Variants in SCLT1 observed in about 807,000 individuals in gnomAD.
The protein encoded by SCLT1 is sodium channel and clathrin linker 1.
SCLT1 carries 78 observed loss-of-function variants against 112.8 expected under a neutral mutation model. That is an observed-to-expected ratio of 0.69 (90% CI 0.58 to 0.83). The LOEUF (loss-of-function observed/expected upper bound fraction) is 0.83. Ranked by LOEUF, SCLT1 falls within the 40% of genes least tolerant of loss-of-function variation. SCLT1 has a pLI of 0.00. For synonymous variants in SCLT1, 257 were observed against 254.7 expected (o/e 1.01, Z -0.09); for missense variants, 747 against 770.4 (o/e 0.97, Z 0.36).
At chr4:129,019,536 G>C (rs1745268271) in intron 5 of SCLT1, among the ~76,000 whole-genome samples, 1 of 151,986 alleles carries the variant, frequency 6.6e-6, no homozygotes, top group Non-Finnish European at 1.5e-5. Flanking sequence ...GACAAATATA[G>C]TGGCATATAT....
chr4:128,885,372 G>A (rs1159240657), intron 20 of SCLT1, among the ~76,000 whole-genome samples: 4 of 152,056 alleles, frequency 2.6e-5, no homozygotes, highest in Non-Finnish European at 4.4e-5. Context: ...GTATGTTTCC[G>A]TAAATATTTT....
intron 18 of SCLT1, among the ~76,000 whole-genome samples, chr4:128,928,391 T>C (rs987381895): frequency 2.0e-5 from 3 of 151,992 alleles, no homozygotes; most frequent in East Asian, 1.9e-4. Context: ...TCCAGAAATA[T>C]ATATAAGGAG....
intron 8 of SCLT1, among the ~76,000 whole-genome samples, chr4:128,994,113 C>T (rs989678315): frequency 9.2e-5 from 14 of 152,002 alleles, no homozygotes; most frequent in Admixed American, 2.6e-4. Flanking sequence ...CAATATTGCA[C>T]AGATCTCTAG....
At chr4:129,083,717 G>A (rs557904024) in intron 1 of SCLT1, among the ~76,000 whole-genome samples, 8 of 152,112 alleles carry the variant, frequency 5.3e-5, no homozygotes, top group African/African-American at 1.7e-4. Flanking sequence ...AAATTTTAAA[G>A]TATTTTGAAG....
In SCLT1 at chr4:129,006,171, A is replaced by C. The variant is rs113231609; in HGVS notation, c.291-2295T>G. On this transcript the variant is annotated intron_variant, in intron 5 of 20. Coordinates refer to ENST00000281142, the MANE Select transcript of SCLT1 (RefSeq NM_144643.4). ...CCCTAAAACTTAAAGTATAATAAAA[A>C]AAATTCATTTAATAAAAAAATGTAG... 3.0e-3 allele frequency among the ~76,000 whole-genome samples: 460 copies of C among 152,266 alleles called. 2 individuals are homozygous for C. The highest frequency in any genetic ancestry group is 0.011 in the African/African-American group (442 of 41,556).
intron 2 of SCLT1, among the ~76,000 whole-genome samples, chr4:129,064,252 A>T (rs1750269019): frequency 6.6e-6 from 1 of 152,080 alleles, no homozygotes; most frequent in African/African-American, 2.4e-5. Flanking sequence ...TGGTTTGCAA[A>T]TTTTTCTGTC....
At chr4:129,027,431 G>A (rs1746217249) in intron 5 of SCLT1, among the ~76,000 whole-genome samples, 1 of 152,028 alleles carries the variant, frequency 6.6e-6, no homozygotes, top group South Asian at 2.1e-4. Context: ...AAAACCACAT[G>A]ATTATGTCAA....
intron 9 of SCLT1, among the ~76,000 whole-genome samples, chr4:128,973,467 A>G: frequency 7.3e-6 from 1 of 137,822 alleles, no homozygotes; most frequent in Admixed American, 7.6e-5. Context: ...GGGAGGGAGG[A>G]GAGGGAGAGG....
At chr4:128,902,386 A>G (rs1228011812) in intron 18 of SCLT1, among the ~76,000 whole-genome samples, 1 of 152,232 alleles carries the variant, frequency 6.6e-6, no homozygotes, top group Non-Finnish European at 1.5e-5. Flanking sequence ...AACGTCTACT[A>G]CACACCTAGG....
At position 129,003,863 on chromosome 4, in the gene SCLT1, A is replaced by G. The variant is rs1172037967; in HGVS notation, c.304T>C (p.Leu102=). 1 of 1,612,062 alleles carries G rather than the reference A, an allele frequency of 6.2e-7. No homozygotes were observed. Among genetic ancestry groups the G allele is most frequent in the Admixed American group, 1.7e-5 (1 of 59,702 alleles). ...IKENERLHSE[L]KDAVEKKLEA... The stretch of plus-strand genomic sequence containing the variant: ...AATTTTTTTTCAACAGCATCTTTTA[A>G]TTCACTGTGCAACCTTTGAAACAAA... The change falls in exon 6 of 21, where the codon TTA becomes CTA. Residue 102 remains leucine (L), a synonymous_variant. Transcript: ENST00000281142.
chr4:128,942,924 G>A, intron 17 of SCLT1, 72 bp downstream of exon 17: 1 of 1,132,504 alleles, frequency 8.8e-7, no homozygotes, highest in African/African-American at 1.6e-5. Flanking sequence ...AAGATGTTTT[G>A]CTAGGTCTCT....
In SCLT1 at chr4:129,010,871, C is replaced by T. The variant is rs115365738; in HGVS notation, c.291-6995G>A. 5.1e-3 allele frequency among the ~76,000 whole-genome samples: 773 copies of T among 152,240 alleles called. 6 individuals are homozygous for T. The highest frequency in any genetic ancestry group is 0.017 in the African/African-American group (718 of 41,550). ...TATAGAATCCTGCCATCTGCAAATA[C>T]GGATAGTTTGACTTCCTCTCTTCCT... On this transcript the variant is annotated intron_variant, in intron 5 of 20. Coordinates refer to ENST00000281142, the MANE Select transcript of SCLT1 (RefSeq NM_144643.4).
At chr4:129,002,344 G>C (rs1743571670) in intron 6 of SCLT1, among the ~76,000 whole-genome samples, 1 of 151,782 alleles carries the variant, frequency 6.6e-6, no homozygotes. Flanking sequence ...CAAAAAATTA[G>C]TTGAAAAACA....
At chr4:128,922,795 A>G (rs773508210) in intron 18 of SCLT1, among the ~76,000 whole-genome samples, 4 of 152,198 alleles carry the variant, frequency 2.6e-5, no homozygotes, top group Admixed American at 6.5e-5. Flanking sequence ...ACCTAAAATA[A>G]TAGTTAACAA....
intron 10 of SCLT1, 36 bp downstream of exon 10, chr4:128,970,334 AAACTAAGC>A: frequency 4.7e-6 from 5 of 1,058,248 alleles, no homozygotes; most frequent in Non-Finnish European, 2.9e-6. Flanking sequence ...AATAGAAAGA[AAACTAAGC>A]AATAGGTACC....
intron 12 of SCLT1, among the ~76,000 whole-genome samples, chr4:128,958,595 G>T (rs562415331): frequency 6.6e-6 from 1 of 152,212 alleles, no homozygotes; most frequent in African/African-American, 2.4e-5. Context: ...CTTGGTATAA[G>T]AGTGCTCATA....
chr4:128,905,524 C>CT (rs11427344), intron 18 of SCLT1, among the ~76,000 whole-genome samples: 148,805 of 151,724 alleles, frequency 0.98, 73,001 homozygotes, highest in Middle Eastern at 1. Flanking sequence ...GCACTTTAGA[C>CT]TTTTTTTTAA....
In SCLT1 at chr4:129,003,055, C is replaced by T. The variant is rs1235096322; in HGVS notation, c.426+686G>A. 2.0e-5 allele frequency among the ~76,000 whole-genome samples: 3 copies of T among 152,030 alleles called. No homozygotes were observed. The East Asian group carries it at 5.8e-4, about 29-fold the overall frequency. ...AACCCAAATGTCCATCAATGATAAA[C>T]TGGATAAAGAAAATGTGGCACATAT... On this transcript the variant is annotated intron_variant, in intron 6 of 20. Transcript: ENST00000281142.
intron 5 of SCLT1, among the ~76,000 whole-genome samples, chr4:129,014,982 G>C (rs1014437310): frequency 6.6e-6 from 1 of 152,114 alleles, no homozygotes; most frequent in Admixed American, 6.5e-5. Context: ...GGTAGGCACA[G>C]GTCTGTGTGC....
Sources: gnomAD v4.1 joint callset for allele counts (sites outside exome capture counted in the v4.1 genomes callset) on GRCh38, gnomAD v4.1.1 for gene constraint, MANE v1.5 for transcripts, NCBI Gene and HGNC (gene_info 2026-07-23, HGNC 2026-07-21) for gene names.